Variants in CEP83 observed in about 807,000 individuals in gnomAD.
CEP83 encodes the protein centrosomal protein 83.
Under a neutral mutation model 101.9 loss-of-function variants are expected in CEP83, and 70 were observed. The observed-to-expected ratio is 0.69, with a 90% CI of 0.57 to 0.84. The LOEUF is 0.84. CEP83 is among the 40% of genes least tolerant of loss of function. The probability of loss-of-function intolerance (pLI) is 0.00; values close to 1 mark genes in which losing one functional copy is unlikely to be tolerated. For synonymous variants in CEP83, 264 were observed against 267.9 expected, an observed-to-expected ratio of 0.99 and a Z score of 0.14; for missense variants, 715 against 787.2, an observed-to-expected ratio of 0.91 and a Z score of 1.10.
intron 2 of CEP83, among the ~76,000 whole-genome samples, chr12:94,433,466 A>T (rs962211835): frequency 1.3e-5 from 2 of 152,060 alleles, no homozygotes; most frequent in African/African-American, 2.4e-5. Flanking sequence ...AGATGCCTTG[A>T]GCTCAGGAGT....
intron 6 of CEP83, among the ~76,000 whole-genome samples, chr12:94,384,277 C>T (rs779982061): frequency 2.6e-5 from 4 of 152,108 alleles, no homozygotes; most frequent in South Asian, 2.1e-4. Flanking sequence ...TTCCTTCTGG[C>T]CTCTGATTTC....
rs537823247 is a variant in CEP83, at chr12:94,405,140, T to C, written c.325-1878A>G. Among the ~76,000 whole-genome samples, 27 of 152,204 alleles carry C rather than the reference T, an allele frequency of 1.8e-4. No individual in the cohort carries two copies. In the South Asian group the frequency reaches 3.7e-3, roughly 21 times the overall value. On this transcript the variant is annotated intron_variant, in intron 4 of 16. Transcript: ENST00000397809. The stretch of plus-strand genomic sequence containing the variant: ...ACAACATCAAGAGTCCAAACTAAGA[T>C]GAGGTAGCAATTAAAAGGAAGAGAT...
At chr12:94,306,572 T>C (rs2136247507), downstream of CEP83, 1 of 152,324 alleles carries the variant, frequency 6.6e-6, no homozygotes, top group Non-Finnish European at 1.5e-5. Flanking sequence ...TTGGCAACTC[T>C]TGAGCTTTTC....
chr12:94,381,073 A>C (rs924297686), intron 6 of CEP83, among the ~76,000 whole-genome samples: 1 of 152,224 alleles, frequency 6.6e-6, no homozygotes, highest in Admixed American at 6.5e-5. Flanking sequence ...CTAAGTACCC[A>C]AAACTGTTTT....
At chr12:94,271,781 T>A in the CEP83 span, among the ~76,000 whole-genome samples, 1 of 152,360 alleles carries the variant, frequency 6.6e-6, no homozygotes, top group South Asian at 2.1e-4. Flanking sequence ...TGCTTTTCTC[T>A]TGTCTCCTGT....
intron 2 of CEP83, among the ~76,000 whole-genome samples, chr12:94,429,900 G>A (rs1052615000): frequency 6.6e-6 from 1 of 152,114 alleles, no homozygotes; most frequent in East Asian, 1.9e-4. Context: ...CCTAATACTT[G>A]CCTGCATATA....
In CEP83 at chr12:94,333,642, T is replaced by TA; in HGVS notation, c.1420-4dup. 1 of 1,609,078 alleles carries TA rather than the reference T, an allele frequency of 6.2e-7. No homozygotes were observed. Among genetic ancestry groups the TA allele is most frequent in the Non-Finnish European group, 8.5e-7 (1 of 1,178,346 alleles). ...TGGATCTGCAAACTACTGATTTGCT[T>TA]AAAAGAGAAGAAAGAAGATAAATTA... On this transcript the variant is annotated splice_polypyrimidine_tract_variant and splice_region_variant and intron_variant, in intron 12 of 16. Transcript: ENST00000397809.
At chr12:94,429,569 AC>A (rs1438407638) in intron 2 of CEP83, among the ~76,000 whole-genome samples, 1 of 152,148 alleles carries the variant, frequency 6.6e-6, no homozygotes, top group African/African-American at 2.4e-5. Context: ...GCCCACAGCT[AC>A]CACCATGCCT....
downstream of CEP83, among the ~76,000 whole-genome samples, chr12:94,303,060 G>A (rs1379167786): frequency 1.3e-5 from 2 of 152,106 alleles, no homozygotes; most frequent in Non-Finnish European, 2.9e-5. Flanking sequence ...TCTTCCCTGA[G>A]TAGAATTTTT....
At chr12:94,337,468 T>TA (rs1279041815) in intron 11 of CEP83, among the ~76,000 whole-genome samples, 1 of 152,170 alleles carries the variant, frequency 6.6e-6, no homozygotes, top group Non-Finnish European at 1.5e-5. Flanking sequence ...TAATGAATCT[T>TA]AAGATAAATA....
intron 2 of CEP83, among the ~76,000 whole-genome samples, chr12:94,432,168 C>T (rs910203868): frequency 3.0e-4 from 46 of 151,954 alleles, no homozygotes; most frequent in Non-Finnish European, 1.6e-4. Context: ...CATTCTCCTG[C>T]CTCAGCCTCC....
At chr12:94,415,963 T>A (rs1039619625) in intron 2 of CEP83, among the ~76,000 whole-genome samples, 3 of 151,972 alleles carry the variant, frequency 2.0e-5, no homozygotes, top group South Asian at 2.1e-4. Context: ...TTAAAAAAAA[T>A]TTCAAACATT....
chr12:94,403,736 A>G (rs1179328556), intron 4 of CEP83, among the ~76,000 whole-genome samples: 1 of 152,186 alleles, frequency 6.6e-6, no homozygotes, highest in Non-Finnish European at 1.5e-5. Flanking sequence ...TCGTATTTTA[A>G]TAAGTAATTA....
chr12:94,294,433 T>C, the CEP83 span: 1 of 764,390 alleles, frequency 1.3e-6, no homozygotes, highest in Non-Finnish European at 2.3e-6. Context: ...TGGGTGAAGT[T>C]GAGAAATCCA....
chr12:94,269,893 G>A, the CEP83 span, among the ~76,000 whole-genome samples: 1 of 152,136 alleles, frequency 6.6e-6, no homozygotes, highest in East Asian at 1.9e-4. Context: ...TCATTCCCTC[G>A]TTGATGGCAA....
intron 14 of CEP83, among the ~76,000 whole-genome samples, chr12:94,325,462 C>T (rs771301831): frequency 4.6e-5 from 7 of 151,942 alleles, no homozygotes; most frequent in Non-Finnish European, 8.8e-5. Flanking sequence ...CGTGAGTCAC[C>T]GCACCCAGCC....
intron 9 of CEP83, 38 bp downstream of exon 9, chr12:94,369,884 A>AAGC (rs748788301): frequency 1.9e-4 from 194 of 1,029,062 alleles, no homozygotes; most frequent in Non-Finnish European, 2.5e-4. Flanking sequence ...ATCTGAAAAT[A>AAGC]AGCAGCAGCA....
At chr12:94,266,831 C>T in the CEP83 span, among the ~76,000 whole-genome samples, 24 of 152,226 alleles carry the variant, frequency 1.6e-4, no homozygotes, top group Non-Finnish European at 2.8e-4. Context: ...CTACCTAAAA[C>T]TTTATTCCAT....
chr12:94,446,706 CAAAGAA>C (rs2066831600), intron 1 of CEP83, among the ~76,000 whole-genome samples: 1 of 151,512 alleles, frequency 6.6e-6, no homozygotes, highest in Non-Finnish European at 1.5e-5. Context: ...GACCCCACCT[CAAAGAA>C]AAAGAAAAAT....
Sources: gnomAD v4.1 joint callset for allele counts (sites outside exome capture counted in the v4.1 genomes callset) on GRCh38, gnomAD v4.1.1 for gene constraint, MANE v1.5 for transcripts, NCBI Gene and HGNC (gene_info 2026-07-23, HGNC 2026-07-21) for gene names.